Variants in RGS6 observed in about 807,000 individuals in gnomAD.
RGS6 encodes the protein regulator of G-protein signaling 6.
RGS6 carries 30 observed loss-of-function variants against 78.5 expected under a neutral mutation model. The ratio of observed to expected loss-of-function variants is 0.38; its 90% CI spans 0.29 to 0.52. RGS6 has a LOEUF of 0.52. RGS6 is among the 20% of genes least tolerant of loss of function. The probability of loss-of-function intolerance (pLI) is 0.85; values close to 1 mark genes in which losing one functional copy is unlikely to be tolerated. For missense variants in RGS6, 495 were observed against 609.7 expected, an observed-to-expected ratio of 0.81 and a Z score of 1.98; for synonymous variants, 206 against 206.0, an observed-to-expected ratio of 1.00 and a Z score of 0.00.
chr14:72,432,800 C>G (rs979810845), intron 3 of RGS6, among the ~76,000 whole-genome samples: 3 of 152,154 alleles, frequency 2.0e-5, no homozygotes, highest in African/African-American at 7.2e-5. Flanking sequence ...TAACAAAATT[C>G]TATGACCCCA....
At chr14:72,442,751 C>T (rs2095250584) in intron 3 of RGS6, among the ~76,000 whole-genome samples, 1 of 152,188 alleles carries the variant, frequency 6.6e-6, no homozygotes, top group Non-Finnish European at 1.5e-5. Context: ...GGTCACAGAG[C>T]TGGTGGGAGG....
intron 3 of RGS6, among the ~76,000 whole-genome samples, chr14:72,436,386 ATAGG>A (rs2094914768): frequency 6.6e-6 from 1 of 152,206 alleles, no homozygotes; most frequent in African/African-American, 2.4e-5. Context: ...TAAGGAACAG[ATAGG>A]TAGTAAGCAT....
chr14:72,439,566 G>A (rs571644628), intron 3 of RGS6, among the ~76,000 whole-genome samples: 25 of 152,308 alleles, frequency 1.6e-4, no homozygotes, highest in African/African-American at 6.0e-4. Context: ...GCTCTACAAG[G>A]CTATCGCTAA....
intron 2 of RGS6, among the ~76,000 whole-genome samples, chr14:71,997,976 C>A (rs1344861846): frequency 6.6e-6 from 1 of 152,082 alleles, no homozygotes; most frequent in East Asian, 1.9e-4. Flanking sequence ...TGTATTTTGC[C>A]AAGGTTGAGG....
chr14:72,393,897 A>G (rs1596691691), intron 3 of RGS6, among the ~76,000 whole-genome samples: 1 of 152,206 alleles, frequency 6.6e-6, no homozygotes, highest in East Asian at 1.9e-4. Flanking sequence ...ATCGCCAATA[A>G]TTAGGTGTCT....
chr14:72,051,698 C>T (rs984499525), intron 2 of RGS6, among the ~76,000 whole-genome samples: 7 of 152,220 alleles, frequency 4.6e-5, no homozygotes, highest in African/African-American at 1.7e-4. Context: ...GACACCATCT[C>T]ATTGTAAAAT....
rs562815101 is a variant in RGS6 at position 72,093,981 on chromosome 14, AT to A, written c.84+129108del. On this transcript the variant is annotated intron_variant, in intron 2 of 17. Coordinates refer to ENST00000553525, the MANE Select transcript of RGS6 (RefSeq NM_001204424.2). ...TGGGAAAATGAACATTAAAGAAGTA[AT>A]TAAAGATATGTATGTACTATACAGC... Among the ~76,000 whole-genome samples, 126 of 152,310 alleles carry A rather than the reference AT, an allele frequency of 8.3e-4. 1 individual carries two copies. In the Middle Eastern group the frequency reaches 0.014, roughly 16 times the overall value.
rs552899986 is a variant in RGS6, at chr14:72,008,114, T to C, written c.84+43239T>C. 7.2e-5 allele frequency among the ~76,000 whole-genome samples: 11 copies of C among 152,302 alleles called. No individual in the cohort carries two copies. The South Asian group carries it at 2.3e-3, about 32-fold the overall frequency. ...TAGAGACCAAATCAAGGAGCTTCCA[T>C]CATTTGCTTGCCTGGATTTCAGAAC... On this transcript the variant is annotated intron_variant, in intron 2 of 17. Coordinates refer to ENST00000553525, the MANE Select transcript of RGS6 (RefSeq NM_001204424.2).
intron 2 of RGS6, among the ~76,000 whole-genome samples, chr14:72,220,647 T>G (rs2046659207): frequency 6.6e-6 from 1 of 152,222 alleles, no homozygotes; most frequent in Non-Finnish European, 1.5e-5. Flanking sequence ...TACATGGAAT[T>G]GTGCTAAAAA....
At chr14:72,582,296 G>A in the RGS6 span, among the ~76,000 whole-genome samples, 19 of 152,256 alleles carry the variant, frequency 1.2e-4, no homozygotes, top group South Asian at 6.2e-4. Flanking sequence ...GTATTAATCC[G>A]TAATACCTAT....
chr14:71,933,467 G>T (rs1414313002), intron 1 of RGS6, among the ~76,000 whole-genome samples: 1 of 152,170 alleles, frequency 6.6e-6, no homozygotes, highest in African/African-American at 2.4e-5. Context: ...CAAAGGAAGC[G>T]GTGGCTATTC....
At chr14:72,542,566 T>C (rs538001896) in intron 17 of RGS6, among the ~76,000 whole-genome samples, 1 of 152,338 alleles carries the variant, frequency 6.6e-6, no homozygotes, top group South Asian at 2.1e-4. Flanking sequence ...ACATGACCCA[T>C]GTCATGGGGC....
intron 3 of RGS6, among the ~76,000 whole-genome samples, chr14:72,375,918 C>T (rs1048795571): frequency 1.3e-5 from 2 of 152,120 alleles, no homozygotes; most frequent in Admixed American, 1.3e-4. Flanking sequence ...GTGACTGTTT[C>T]ATCAGATGTG....
chr14:72,258,479 A>G (rs78108456), intron 2 of RGS6, among the ~76,000 whole-genome samples: 1,689 of 152,274 alleles, frequency 0.011, 30 homozygotes, highest in African/African-American at 0.039. Context: ...GCCCCTTTAC[A>G]ATGCTGTGAC....
At chr14:72,116,639 G>A (rs540312062) in intron 2 of RGS6, among the ~76,000 whole-genome samples, 2 of 152,090 alleles carry the variant, frequency 1.3e-5, no homozygotes, top group Non-Finnish European at 2.9e-5. Flanking sequence ...ATACCACTGA[G>A]ATACTTTCAG....
At chr14:72,610,533 G>T in the RGS6 span, among the ~76,000 whole-genome samples, 1 of 152,280 alleles carries the variant, frequency 6.6e-6, no homozygotes, top group Non-Finnish European at 1.5e-5. Flanking sequence ...TGTCTTGGCT[G>T]TCAGAGAAAT....
At chr14:72,343,177 T>C (rs77487708) in intron 2 of RGS6, among the ~76,000 whole-genome samples, 1,831 of 152,328 alleles carry the variant, frequency 0.012, 13 homozygotes, top group Non-Finnish European at 0.018. Flanking sequence ...GTTCTGAAGG[T>C]CAGGAATCTG....
intron 2 of RGS6, among the ~76,000 whole-genome samples, chr14:72,214,989 C>T (rs2045207267): frequency 6.6e-6 from 1 of 152,176 alleles, no homozygotes; most frequent in Admixed American, 6.5e-5. Flanking sequence ...AGAGTTAGAA[C>T]TCTGTTATTC....
intron 2 of RGS6, among the ~76,000 whole-genome samples, chr14:72,277,602 A>T (rs2060888121): frequency 7.1e-6 from 1 of 141,744 alleles, no homozygotes; most frequent in African/African-American, 2.6e-5. Flanking sequence ...TCTAAAAAAT[A>T]AAAAAAAAAA....
Sources: allele counts gnomAD v4.1 joint callset (sites outside exome capture counted in the v4.1 genomes callset), GRCh38; gene constraint gnomAD v4.1.1; transcripts MANE v1.5; gene names NCBI Gene and HGNC (gene_info 2026-07-23, HGNC 2026-07-21).